RBFOX1: variants seen among roughly 807,000 people sequenced by gnomAD.
RBFOX1 encodes RNA binding fox-1 homolog 1.
In RBFOX1, 8 loss-of-function variants were observed where a neutral mutation model predicts 57.7. That is an observed-to-expected ratio of 0.14 (90% CI 0.08 to 0.25). The LOEUF (loss-of-function observed/expected upper bound fraction) is 0.25. RBFOX1 is among the 10% of genes least tolerant of loss of function. The pLI, the probability that RBFOX1 is intolerant of heterozygous loss-of-function variation, is 1.00. For missense variants in RBFOX1, 611 were observed against 548.5 expected (o/e 1.11, Z -1.14); for synonymous variants, 326 against 222.4 (o/e 1.47, Z -4.15).
intron 2 of RBFOX1, among the ~76,000 whole-genome samples, chr16:6,523,393 G>T (rs1302411472): frequency 6.6e-6 from 1 of 152,158 alleles, no homozygotes; most frequent in Non-Finnish European, 1.5e-5. Context: ...GATTTTGATT[G>T]TGTCTATGAA....
At position 5,428,231 on chromosome 16, in the gene RBFOX1, G is replaced by A. The variant is rs375432366; in HGVS notation, c.220-38985G>A. Among the ~76,000 whole-genome samples, 5 of 152,222 alleles carry A rather than the reference G, an allele frequency of 3.3e-5. No homozygotes were observed. The East Asian group carries it at 9.7e-4, about 29-fold the overall frequency. On this transcript the variant is annotated intron_variant, in intron 1 of 2. Coordinates refer to the RBFOX1 transcript ENST00000585867. Reference sequence around the variant, plus strand: ...TCCCCATGGCAGAAATGTACCCCAGGCAAACCTTGAGAAGCCAGAGAGGTA... The same window carrying A: ...TCCCCATGGCAGAAATGTACCCCAGACAAACCTTGAGAAGCCAGAGAGGTA...
At chr16:6,755,552 T>G (rs532915660) in intron 3 of RBFOX1, among the ~76,000 whole-genome samples, 1 of 152,348 alleles carries the variant, frequency 6.6e-6, no homozygotes, top group East Asian at 1.9e-4. Flanking sequence ...TTTGCTACAG[T>G]TTTGATGTTT....
intron 1 of RBFOX1, among the ~76,000 whole-genome samples, chr16:6,147,359 C>A (rs1337770538): frequency 6.6e-6 from 1 of 152,172 alleles, no homozygotes; most frequent in Non-Finnish European, 1.5e-5. Flanking sequence ...TGACCTAACA[C>A]AACCCTTTCC....
In RBFOX1 at chr16:5,647,584, C is replaced by G. The variant is rs2049095114; in HGVS notation, c.318+48623C>G. 3.3e-5 allele frequency among the ~76,000 whole-genome samples: 5 copies of G among 152,184 alleles called. No individual in the cohort carries two copies. The South Asian group carries it at 1.0e-3, about 32-fold the overall frequency. On this transcript the variant is annotated intron_variant, in intron 3 of 19. Coordinates refer to the RBFOX1 transcript ENST00000641259. ...GGAAACCCCACCTCTTCTCCTTTCC[C>G]TTTCCCCATTTCTCCAGTGTGGGAA...
chr16:5,887,464 C>T (rs1167684026), intron 4 of RBFOX1, among the ~76,000 whole-genome samples: 1 of 152,220 alleles, frequency 6.6e-6, no homozygotes, highest in African/African-American at 2.4e-5. Flanking sequence ...TGCAGTGGTG[C>T]AATCTCAGCT....
intron 1 of RBFOX1, among the ~76,000 whole-genome samples, chr16:6,086,582 A>G (rs1389368645): frequency 2.0e-5 from 3 of 152,142 alleles, no homozygotes; most frequent in Admixed American, 2.0e-4. Context: ...AATGGAGCCC[A>G]AGTCTATACT....
chr16:7,456,041 T>A (rs2058446888), intron 4 of RBFOX1, among the ~76,000 whole-genome samples: 1 of 152,286 alleles, frequency 6.6e-6, no homozygotes, highest in South Asian at 2.1e-4. Flanking sequence ...GGCCCCAGGC[T>A]TTGAAGAGCC....
At chr16:7,378,048 A>G (rs1429658755) in intron 4 of RBFOX1, among the ~76,000 whole-genome samples, 1 of 152,234 alleles carries the variant, frequency 6.6e-6, no homozygotes, top group Non-Finnish European at 1.5e-5. Flanking sequence ...AAGAAGAGCA[A>G]AGAGACTCCG....
At chr16:7,277,825 A>G (rs2095470058) in intron 4 of RBFOX1, among the ~76,000 whole-genome samples, 1 of 152,170 alleles carries the variant, frequency 6.6e-6, no homozygotes, top group Non-Finnish European at 1.5e-5. Flanking sequence ...TAGTTAACAT[A>G]AGAATTCCCA....
At chr16:7,504,983 G>A (rs141969413) in intron 4 of RBFOX1, among the ~76,000 whole-genome samples, 1 of 149,820 alleles carries the variant, frequency 6.7e-6, no homozygotes, top group Non-Finnish European at 1.5e-5. Flanking sequence ...ATGCTTCAGT[G>A]CAATGTTAGG....
intron 2 of RBFOX1, among the ~76,000 whole-genome samples, chr16:6,517,130 C>A (rs1026055152): frequency 1.3e-5 from 2 of 152,056 alleles, no homozygotes; most frequent in Admixed American, 1.3e-4. Flanking sequence ...CACTTGTGAC[C>A]AAGACATTTC....
chr16:7,119,497 T>G (rs1249499955), intron 4 of RBFOX1, among the ~76,000 whole-genome samples: 4 of 152,212 alleles, frequency 2.6e-5, no homozygotes. Flanking sequence ...CCATTTCGAG[T>G]TAGATGGGAT....
At chr16:5,254,593 G>A (rs544288146) in intron 1 of RBFOX1, among the ~76,000 whole-genome samples, 22 of 152,236 alleles carry the variant, frequency 1.4e-4, no homozygotes, top group African/African-American at 5.1e-4. Context: ...TCTCTTACCT[G>A]TTCAGTTTCT....
chr16:6,383,355 C>G (rs998406471), intron 2 of RBFOX1, among the ~76,000 whole-genome samples: 1 of 152,168 alleles, frequency 6.6e-6, no homozygotes, highest in Non-Finnish European at 1.5e-5. Flanking sequence ...CTGGAGGACA[C>G]AAAAGCATGA....
chr16:6,945,334 C>A (rs1465875616), intron 3 of RBFOX1, among the ~76,000 whole-genome samples: 2 of 152,072 alleles, frequency 1.3e-5, no homozygotes, highest in East Asian at 3.9e-4. Flanking sequence ...TTACCTAGGG[C>A]CAGACAGTTA....
At chr16:6,975,196 A>C (rs2086548575) in intron 3 of RBFOX1, among the ~76,000 whole-genome samples, 1 of 152,186 alleles carries the variant, frequency 6.6e-6, no homozygotes, top group African/African-American at 2.4e-5. Context: ...AAGAGAGTGA[A>C]GCATCTGCCC....
At chr16:5,706,689 A>G (rs1457899875) in intron 3 of RBFOX1, among the ~76,000 whole-genome samples, 1 of 152,156 alleles carries the variant, frequency 6.6e-6, no homozygotes, top group Non-Finnish European at 1.5e-5. Context: ...TCTTTCCTAA[A>G]GCACTGGTTG....
chr16:5,449,152 G>A (rs1331095518), intron 1 of RBFOX1, among the ~76,000 whole-genome samples: 1 of 152,128 alleles, frequency 6.6e-6, no homozygotes, highest in African/African-American at 2.4e-5. Context: ...TCACAAGGGG[G>A]CCTGGAGCAT....
At chr16:6,754,092 T>G (rs981283642) in intron 3 of RBFOX1, among the ~76,000 whole-genome samples, 1 of 152,184 alleles carries the variant, frequency 6.6e-6, no homozygotes, top group Non-Finnish European at 1.5e-5. Flanking sequence ...TAATTTTACC[T>G]AAGTATTTTG....
Sources: allele counts gnomAD v4.1 joint callset (sites outside exome capture counted in the v4.1 genomes callset), GRCh38; gene constraint gnomAD v4.1.1; transcripts MANE v1.5; gene names NCBI Gene and HGNC (gene_info 2026-07-23, HGNC 2026-07-21).